CSMD1: variants seen among roughly 807,000 people sequenced by gnomAD.
CSMD1 encodes CUB and Sushi multiple domains 1.
Under a neutral mutation model 417.5 loss-of-function variants are expected in CSMD1, and 213 were observed. That is an observed-to-expected ratio of 0.51 (90% CI 0.46 to 0.57). The LOEUF (loss-of-function observed/expected upper bound fraction) is 0.57. Ranked by LOEUF, CSMD1 falls within the 20% of genes least tolerant of loss-of-function variation. The pLI is 0.00. For synonymous variants in CSMD1, 2,862 were observed against 1,736.8 expected, an observed-to-expected ratio of 1.65 and a Z score of -16.11; for missense variants, 6,923 against 4,529.7, an observed-to-expected ratio of 1.53 and a Z score of -15.17.
At chr8:4,427,838 C>A (rs1025129995) in intron 2 of CSMD1, among the ~76,000 whole-genome samples, 3 of 152,084 alleles carry the variant, frequency 2.0e-5, no homozygotes, top group African/African-American at 4.8e-5. Flanking sequence ...TTGAATAATT[C>A]TTTTTCTTAA....
At chr8:3,957,196 A>C (rs1812011270) in intron 5 of CSMD1, among the ~76,000 whole-genome samples, 1 of 152,164 alleles carries the variant, frequency 6.6e-6, no homozygotes, top group South Asian at 2.1e-4. Context: ...CAGAACTAAA[A>C]CATTTCTCAA....
intron 12 of CSMD1, among the ~76,000 whole-genome samples, chr8:3,423,228 G>A (rs899086925): frequency 2.6e-5 from 4 of 152,096 alleles, no homozygotes; most frequent in East Asian, 1.9e-4. Flanking sequence ...AATTTAATTT[G>A]ACGAATTTGA....
At chr8:3,430,205 C>G (rs1168540292) in intron 12 of CSMD1, among the ~76,000 whole-genome samples, 1 of 152,112 alleles carries the variant, frequency 6.6e-6, no homozygotes, top group African/African-American at 2.4e-5. Context: ...TTTGATACAT[C>G]TTCCACTGAT....
chr8:4,261,315 A>C (rs562247953), intron 3 of CSMD1, among the ~76,000 whole-genome samples: 1 of 152,302 alleles, frequency 6.6e-6, no homozygotes, highest in South Asian at 2.1e-4. Flanking sequence ...GCATAGAAAG[A>C]AAAATACTGT....
At chr8:3,961,927 G>A (rs991905700) in intron 5 of CSMD1, among the ~76,000 whole-genome samples, 1 of 152,152 alleles carries the variant, frequency 6.6e-6, no homozygotes, top group African/African-American at 2.4e-5. Context: ...GAATGGGCTT[G>A]GGCGCTTTCT....
At chr8:4,432,284 T>TA (rs1046039417) in intron 2 of CSMD1, among the ~76,000 whole-genome samples, 4 of 152,164 alleles carry the variant, frequency 2.6e-5, no homozygotes, top group Non-Finnish European at 4.4e-5. Context: ...GGTGTAGGTT[T>TA]TTATGAGGCA....
In CSMD1 at chr8:3,739,916, G is replaced by T. The variant is rs529181651; in HGVS notation, c.931+14014C>A. Among the ~76,000 whole-genome samples, 7 of 152,174 alleles carry T rather than the reference G, an allele frequency of 4.6e-5. No homozygotes were observed. In the East Asian group the frequency reaches 1.2e-3, roughly 25 times the overall value. On this transcript the variant is annotated intron_variant, in intron 6 of 69. Transcript: ENST00000635120. Reference sequence around the variant, plus strand: ...GCTGGTTGCAGCCTTCAAGCAATGAGGATATTTTCTCTAAAAATTACAGAG... The same window carrying T: ...GCTGGTTGCAGCCTTCAAGCAATGATGATATTTTCTCTAAAAATTACAGAG...
chr8:4,902,285 A>T (rs7824916), intron 1 of CSMD1, among the ~76,000 whole-genome samples: 66,709 of 151,496 alleles, frequency 0.44, 16,307 homozygotes, highest in Admixed American at 0.59. Flanking sequence ...TAAAAAAAAA[A>T]AAAAATCCTG....
At chr8:3,095,427 G>A (rs559423188) in intron 47 of CSMD1, among the ~76,000 whole-genome samples, 6 of 152,184 alleles carry the variant, frequency 3.9e-5, no homozygotes, top group African/African-American at 1.2e-4. Flanking sequence ...TGTAAATAAT[G>A]TATGTTTGTT....
At chr8:3,094,500 T>C (rs1233275559) in intron 47 of CSMD1, among the ~76,000 whole-genome samples, 1 of 152,172 alleles carries the variant, frequency 6.6e-6, no homozygotes, top group Non-Finnish European at 1.5e-5. Flanking sequence ...AGGAATAGTC[T>C]TTAAAAGCAC....
At chr8:3,012,136 T>C (rs973899938) in intron 52 of CSMD1, among the ~76,000 whole-genome samples, 11 of 152,278 alleles carry the variant, frequency 7.2e-5, no homozygotes, top group African/African-American at 2.2e-4. Context: ...CTAAATTTTA[T>C]ACTAATGTAC....
chr8:3,140,492 T>C (rs1318556105), intron 41 of CSMD1, among the ~76,000 whole-genome samples: 1 of 152,168 alleles, frequency 6.6e-6, no homozygotes, highest in African/African-American at 2.4e-5. Context: ...TCTAGAGACA[T>C]ATTGCTCACT....
chr8:4,474,414 G>T (rs1800690927), intron 2 of CSMD1, among the ~76,000 whole-genome samples: 3 of 152,160 alleles, frequency 2.0e-5, no homozygotes, highest in Admixed American at 6.6e-5. Flanking sequence ...TCTAAGAAAG[G>T]CAGAGGGTCA....
At position 3,463,188 on chromosome 8, in the gene CSMD1, C is replaced by A. The variant is rs55784538; in HGVS notation, c.1561+5524G>T. 2.9e-3 allele frequency among the ~76,000 whole-genome samples: 447 copies of A among 152,308 alleles called. 2 individuals carry two copies. The highest frequency in any genetic ancestry group is 8.3e-3 in the South Asian group (40 of 4,828). ...TAACTGTGCACCTGTCGTGACTGGG[C>A]ACTGTTCAACCTCTCCCTCCACCCA... is the stretch of plus-strand genomic sequence containing the variant. On this transcript the variant is annotated intron_variant, in intron 12 of 69. Transcript: ENST00000635120.
chr8:3,380,296 G>A (rs946641834), intron 18 of CSMD1, among the ~76,000 whole-genome samples: 1 of 152,126 alleles, frequency 6.6e-6, no homozygotes, highest in East Asian at 1.9e-4. Flanking sequence ...TGGTGGGAGT[G>A]TAAATTAGTT....
chr8:3,800,754 T>G (rs1485855986), intron 5 of CSMD1, among the ~76,000 whole-genome samples: 1 of 152,080 alleles, frequency 6.6e-6, no homozygotes, highest in Non-Finnish European at 1.5e-5. Context: ...GTTGAGGTAG[T>G]TTGTTTTTAA....
intron 10 of CSMD1, among the ~76,000 whole-genome samples, chr8:3,541,144 G>C (rs185713395): frequency 4.4e-4 from 67 of 152,300 alleles, no homozygotes; most frequent in Admixed American, 7.2e-4. Context: ...GTCCATCAAT[G>C]ACAGACTGGA....
chr8:3,826,600 T>C (rs542421328), intron 5 of CSMD1, among the ~76,000 whole-genome samples: 1 of 152,236 alleles, frequency 6.6e-6, no homozygotes, highest in South Asian at 2.1e-4. Flanking sequence ...AGCCCAGCTT[T>C]CCTCTCAGTC....
chr8:3,338,096 A>C (rs1279521666), intron 23 of CSMD1, among the ~76,000 whole-genome samples: 1 of 152,226 alleles, frequency 6.6e-6, no homozygotes, highest in Non-Finnish European at 1.5e-5. Flanking sequence ...TCCAAAAATA[A>C]ATGCAAATAC....
Sources: allele counts gnomAD v4.1 joint callset (sites outside exome capture counted in the v4.1 genomes callset), GRCh38; gene constraint gnomAD v4.1.1; transcripts MANE v1.5; gene names NCBI Gene and HGNC (gene_info 2026-07-23, HGNC 2026-07-21).